Variants in CACNA1G observed in about 807,000 individuals in gnomAD.
CACNA1G encodes the protein calcium voltage-gated channel subunit alpha1 G, also known as voltage-dependent T-type calcium channel subunit alpha-1G.
A neutral mutation model predicts 219.4 loss-of-function variants in CACNA1G; 67 were observed. That is an observed-to-expected ratio of 0.31 (90% CI 0.25 to 0.37). The LOEUF (loss-of-function observed/expected upper bound fraction) is 0.37, where lower values mean the gene tolerates loss of function less well. Ranked by LOEUF, CACNA1G falls within the 10% of genes least tolerant of loss-of-function variation. The pLI, the probability that CACNA1G is intolerant of heterozygous loss-of-function variation, is 1.00. For missense variants in CACNA1G, 2,380 were observed against 3,231.4 expected, an observed-to-expected ratio of 0.74 and a Z score of 6.39; for synonymous variants, 1,296 against 1,345.3, an observed-to-expected ratio of 0.96 and a Z score of 0.80.
In CACNA1G at chr17:50,596,374, G is replaced by T. The variant is rs1490668883; in HGVS notation, c.2980-188G>T. Among the ~76,000 whole-genome samples, 1 of 152,188 alleles carries T rather than the reference G, an allele frequency of 6.6e-6. No homozygotes were observed. The highest frequency in any genetic ancestry group is 2.4e-5 in the African/African-American group (1 of 41,432). ...AGGTGTGGCTGGAGAGGCAGAGGTG[G>T]TGGGGCCCTGGGAAGCCTCGGGCCC... is the stretch of plus-strand genomic sequence containing the variant. On this transcript the variant is annotated intron_variant, in intron 14 of 37. Transcript: ENST00000359106. This position sits in a 1 kb window ranked among gnomAD's most constrained non-coding sequence, Gnocchi z 4.8.
rs2041225189 is a variant in CACNA1G at position 50,578,618 on chromosome 17, G to A, written c.2301+54G>A. 1.3e-6 allele frequency: 2 copies of A among 1,502,714 alleles called. No homozygotes were observed. Among genetic ancestry groups the A allele is most frequent in the African/African-American group, 1.4e-5 (1 of 71,454 alleles). 93.1% of individuals were successfully genotyped at this position (1,502,714 alleles called of 1,614,324 possible). A position where few individuals can be genotyped will look rare whatever the true frequency, so the allele number is the denominator to read the frequency against. The stretch of plus-strand genomic sequence containing the variant: ...TGCCAGCTGCTTTTCGCCTGGGGCT[G>A]GGGCCTTCTACCTCCCTCCGCACCC... On this transcript the variant is annotated intron_variant, in intron 9 of 37. Coordinates refer to ENST00000359106, the MANE Select transcript of CACNA1G (RefSeq NM_018896.5). This position sits in a 1 kb window ranked among gnomAD's most constrained non-coding sequence, Gnocchi z 4.5.
intron 1 of CACNA1G, chr17:50,562,191 G>A (rs913751139): frequency 2.0e-5 from 3 of 153,570 alleles, no homozygotes; most frequent in African/African-American, 7.2e-5. Flanking sequence ...AATCTCCTGG[G>A]TTTCCCTCCT....
In CACNA1G at chr17:50,592,097, C is replaced by T; in HGVS notation, c.2910+5C>T. On this transcript the variant is annotated splice_donor_5th_base_variant and intron_variant, in intron 13 of 37. Coordinates refer to ENST00000359106, the MANE Select transcript of CACNA1G (RefSeq NM_018896.5). ...GTGGAGGGCTTCCAGGCGGAGGTAACCCACTGCTCTGCCCACCTCACCCTG... is the reference window on the plus strand; with the variant it reads ...GTGGAGGGCTTCCAGGCGGAGGTAATCCACTGCTCTGCCCACCTCACCCTG... 3.7e-6 allele frequency: 6 copies of T among 1,609,374 alleles called. No individual in the cohort carries two copies. The highest frequency in any genetic ancestry group is 5.1e-6 in the Non-Finnish European group (6 of 1,177,496).
intron 9 of CACNA1G, among the ~76,000 whole-genome samples, chr17:50,589,377 G>A (rs964937676): frequency 2.6e-5 from 4 of 152,124 alleles, no homozygotes; most frequent in East Asian, 1.9e-4. Context: ...CTGAACTCCC[G>A]GACTTGCTGC....
chr17:50,580,130 A>G (rs1321138419), intron 9 of CACNA1G, among the ~76,000 whole-genome samples: 2 of 152,024 alleles, frequency 1.3e-5, no homozygotes, highest in African/African-American at 4.8e-5. Context: ...CCCTGGCTGC[A>G]GTGCCAGCGG....
At position 50,576,192 on chromosome 17, in the gene CACNA1G, C is replaced by G; in HGVS notation, c.1790C>G (p.Pro597Arg). ...GKVYPTVHTS[P>R]PPETLKEKAL... ...GTGTATCCCACCGTGCACACCAGCC[C>G]TCCACCGGAGACGCTGAAGGAGAAG... Residue 597 changes from proline to arginine, a missense_variant, in exon 8 of 38, where the codon CCT becomes CGT. Physicochemically the swap from Pro to Arg is moderately radical, Grantham distance 103 (BLOSUM62 -2). This residue lies in a region of CACNA1G where 434 missense variants were observed against 417.3 expected (regional missense o/e 1.04). Coordinates refer to ENST00000359106, the MANE Select transcript of CACNA1G (RefSeq NM_018896.5). 1 of 1,610,072 alleles carries G rather than the reference C, an allele frequency of 6.2e-7. No homozygotes were observed. The highest frequency in any genetic ancestry group is 8.5e-7 in the Non-Finnish European group (1 of 1,178,796).
At chr17:50,585,316 T>C (rs2042787783) in intron 9 of CACNA1G, among the ~76,000 whole-genome samples, 1 of 152,040 alleles carries the variant, frequency 6.6e-6, no homozygotes, top group African/African-American at 2.4e-5. Context: ...TGGCTATAGC[T>C]CCAGAATTTT....
At chr17:50,620,550 C>G (rs535639208) in intron 34 of CACNA1G, among the ~76,000 whole-genome samples, 2 of 152,228 alleles carry the variant, frequency 1.3e-5, no homozygotes, top group Admixed American at 1.3e-4. Flanking sequence ...GATCCCCTCA[C>G]CACGACCCAC....
intron 1 of CACNA1G, among the ~76,000 whole-genome samples, chr17:50,564,451 G>A (rs1009221294): frequency 1.4e-5 from 2 of 147,280 alleles, no homozygotes; most frequent in East Asian, 4.2e-4. Flanking sequence ...TTGGGATGCC[G>A]AGAGAGGGGG....
At chr17:50,567,726 TC>T (rs1284621812) in intron 1 of CACNA1G, among the ~76,000 whole-genome samples, 1 of 152,110 alleles carries the variant, frequency 6.6e-6, no homozygotes, top group African/African-American at 2.4e-5. Flanking sequence ...TCTCATATTT[TC>T]CTTAAAGAAA....
Position 50,618,523 on chromosome 17 carries a change from GC to G in CACNA1G, c.5428-127del. On this transcript the variant is annotated intron_variant, in intron 32 of 37. Coordinates refer to ENST00000359106, the MANE Select transcript of CACNA1G (RefSeq NM_018896.5). The surrounding 1 kb of genome is among the most constrained non-coding windows in gnomAD (Gnocchi z 5.3). ...TGACTCACACTTGTAGTGCTCCTCTGCCCCCAAACACTCCCTCCTCCTCCCC... is the reference window on the plus strand; with the variant it reads ...TGACTCACACTTGTAGTGCTCCTCTGCCCCAAACACTCCCTCCTCCTCCCC... The G allele has an allele frequency of 9.6e-7, 1 of 1,043,002 alleles. No homozygotes were observed. Among genetic ancestry groups the G allele is most frequent in the Non-Finnish European group, 1.4e-6 (1 of 701,760 alleles). The allele number at this position is 1,043,002 out of a possible 1,614,324, so 64.6% of individuals were successfully genotyped here.
At position 50,604,026 on chromosome 17, in the gene CACNA1G, A is replaced by C. The variant is rs1209708425; in HGVS notation, c.4170-129A>C. ...ATGGCAGGGGTCCCATGAAAAGAGGACTTGTGTTCTGCCACCAGAGGCCAG... is the reference window on the plus strand; with the variant it reads ...ATGGCAGGGGTCCCATGAAAAGAGGCCTTGTGTTCTGCCACCAGAGGCCAG... On this transcript the variant is annotated intron_variant, in intron 21 of 37. Transcript: ENST00000359106. 6.9e-6 allele frequency: 6 copies of C among 873,854 alleles called. No individual in the cohort carries two copies. The Middle Eastern group carries it at 9.1e-4, about 133-fold the overall frequency. 54.1% of individuals were successfully genotyped at this position (873,854 alleles called of 1,614,324 possible).
At position 50,603,642 on chromosome 17, in the gene CACNA1G, C is replaced by G. The variant is rs2047278659; in HGVS notation, c.4169+443C>G. ...CCTGCCAGTGACCACCCCCCGGTGACATTTCTCCTGACCAGGGATCCACCC... is the reference window on the plus strand; with the variant it reads ...CCTGCCAGTGACCACCCCCCGGTGAGATTTCTCCTGACCAGGGATCCACCC... On this transcript the variant is annotated intron_variant, in intron 21 of 37. Transcript: ENST00000359106. This position sits in a 1 kb window ranked among gnomAD's most constrained non-coding sequence, Gnocchi z 6.4. 1.3e-5 allele frequency among the ~76,000 whole-genome samples: 2 copies of G among 151,776 alleles called. No individual in the cohort carries two copies. The highest frequency in any genetic ancestry group is 1.3e-4 in the Admixed American group (2 of 15,258).
At chr17:50,612,133 G>T (rs2049341294) in intron 26 of CACNA1G, among the ~76,000 whole-genome samples, 3 of 152,348 alleles carry the variant, frequency 2.0e-5, no homozygotes, top group Admixed American at 2.0e-4. Flanking sequence ...GATTCCTGGG[G>T]CTTACCCCAG....
chr17:50,609,974 A>G (rs2048855236), intron 26 of CACNA1G, 39 bp downstream of exon 26: 4 of 1,582,330 alleles, frequency 2.5e-6, no homozygotes, highest in Non-Finnish European at 3.5e-6. Flanking sequence ...GTGTGGGGAC[A>G]TGCTCTTCAC....
At chr17:50,623,310 C>T (rs1471190363) in intron 35 of CACNA1G, among the ~76,000 whole-genome samples, 1 of 111,010 alleles carries the variant, frequency 9.0e-6, no homozygotes, top group East Asian at 2.6e-4. Context: ...TGGGGTTTTG[C>T]CATGTTGCCC....
rs567949305 is a variant in CACNA1G at position 50,619,881 on chromosome 17, G to A, written c.5925+55G>A. 10,912 of 1,495,012 alleles carry A rather than the reference G, an allele frequency of 7.3e-3. 60 individuals are homozygous for A. Among genetic ancestry groups the A allele is most frequent in the Non-Finnish European group, 9.0e-3 (10,040 of 1,121,028 alleles). 92.6% of individuals were successfully genotyped at this position (1,495,012 alleles called of 1,614,324 possible). On this transcript the variant is annotated intron_variant, in intron 34 of 37. Coordinates refer to ENST00000359106, the MANE Select transcript of CACNA1G (RefSeq NM_018896.5). ...CCCTGACCGTGCTGGGCTGTGCCACGCTGTGCCATGCTTCTGGGGAAGCTG... is the reference window on the plus strand; with the variant it reads ...CCCTGACCGTGCTGGGCTGTGCCACACTGTGCCATGCTTCTGGGGAAGCTG...
chr17:50,596,035 A>G lies in CACNA1G; in HGVS notation c.2980-527A>G, dbSNP rs373865698. On this transcript the variant is annotated intron_variant, in intron 14 of 37. Transcript: ENST00000359106. This position sits in a 1 kb window ranked among gnomAD's most constrained non-coding sequence, Gnocchi z 4.8. The stretch of plus-strand genomic sequence containing the variant: ...GGGAGGGGGCCGGGACTTGGGGAAG[A>G]TGAAGGGAAGACACCGAGGGACTGA... Among the ~76,000 whole-genome samples the G allele has an allele frequency of 5.8e-4, 89 of 152,298 alleles. No homozygotes were observed. Among genetic ancestry groups the G allele is most frequent in the African/African-American group, 1.9e-3 (81 of 41,558 alleles).
chr17:50,607,087 T>A (rs1469884448), intron 24 of CACNA1G, 98 bp downstream of exon 24: 4 of 926,550 alleles, frequency 4.3e-6, no homozygotes, highest in Non-Finnish European at 5.3e-6. Flanking sequence ...CAAAATGCCA[T>A]GAAAGAAGCA....
Sources: allele counts gnomAD v4.1 joint callset (sites outside exome capture counted in the v4.1 genomes callset), GRCh38; gene constraint gnomAD v4.1.1; regional missense constraint gnomAD v4.1.1; non-coding constraint Gnocchi (gnomAD v3.1); transcripts MANE v1.5; gene names NCBI Gene and HGNC (gene_info 2026-07-23, HGNC 2026-07-21).